ROBO2: variants seen among roughly 807,000 people sequenced by gnomAD.
The protein encoded by ROBO2 is roundabout homolog 2.
ROBO2 carries 53 observed loss-of-function variants against 160.8 expected under a neutral mutation model. The ratio of observed to expected loss-of-function variants is 0.33; its 90% CI spans 0.26 to 0.41. The LOEUF (loss-of-function observed/expected upper bound fraction) is 0.41, where lower values mean the gene tolerates loss of function less well. ROBO2 is among the 10% of genes least tolerant of loss of function. ROBO2 has a pLI of 1.00. For synonymous variants in ROBO2, 664 were observed against 611.7 expected (o/e 1.09, Z -1.26); for missense variants, 1,577 against 1,722.4 (o/e 0.92, Z 1.49).
intron 2 of ROBO2, among the ~76,000 whole-genome samples, chr3:76,400,021 C>G (rs1050335857): frequency 3.3e-5 from 5 of 151,598 alleles, no homozygotes; most frequent in African/African-American, 1.2e-4. Context: ...AGCAACTTCT[C>G]TATATAAAGA....
rs9822363 is a variant in ROBO2 at position 77,290,985 on chromosome 3, C to T, written c.389-186429C>T. On this transcript the variant is annotated intron_variant, in intron 2 of 25. Coordinates refer to ENST00000461745, the Ensembl canonical transcript of ROBO2. Reference sequence around the variant, plus strand: ...CACTAAAGACATAAAGTAAAATTGACGGTTAAACGGGTAAGCTGAGGCTAG... The same window carrying T: ...CACTAAAGACATAAAGTAAAATTGATGGTTAAACGGGTAAGCTGAGGCTAG... Among the ~76,000 whole-genome samples the T allele has an allele frequency of 1.9e-3, 124 of 67,010 alleles. 4 individuals are homozygous for T. The highest frequency in any genetic ancestry group is 2.4e-3 in the Admixed American group (15 of 6,212). The allele number at this position is 67,010 out of a possible 152,430, so 44.0% of individuals were successfully genotyped here.
At chr3:76,532,278 G>C (rs755686514) in intron 2 of ROBO2, among the ~76,000 whole-genome samples, 1 of 152,170 alleles carries the variant, frequency 6.6e-6, no homozygotes, top group Non-Finnish European at 1.5e-5. Flanking sequence ...AAAACTCAAA[G>C]CATAAAACTC....
chr3:77,017,523 T>C (rs772839732), intron 2 of ROBO2, among the ~76,000 whole-genome samples: 13 of 152,164 alleles, frequency 8.5e-5, no homozygotes, highest in Non-Finnish European at 1.8e-4. Flanking sequence ...GCTGCTTAAG[T>C]TGAGATAATT....
chr3:76,070,711 A>G (rs920150288), intron 2 of ROBO2, among the ~76,000 whole-genome samples: 4 of 152,030 alleles, frequency 2.6e-5, no homozygotes, highest in African/African-American at 9.7e-5. Context: ...GCTGGGCATC[A>G]TGGAACCTAC....
chr3:76,013,644 G>C (rs1016162064), intron 2 of ROBO2, among the ~76,000 whole-genome samples: 1 of 151,304 alleles, frequency 6.6e-6, no homozygotes, highest in Non-Finnish European at 1.5e-5. Context: ...TGGGCACGGC[G>C]CCTGATGTGT....
At chr3:77,616,489 A>T (rs923602984) in intron 21 of ROBO2, among the ~76,000 whole-genome samples, 11 of 152,142 alleles carry the variant, frequency 7.2e-5, no homozygotes, top group African/African-American at 2.2e-4. Context: ...GGAAGAGAAG[A>T]TGATGATACC....
At chr3:76,590,274 A>C (rs541953410) in intron 2 of ROBO2, among the ~76,000 whole-genome samples, 1 of 152,258 alleles carries the variant, frequency 6.6e-6, no homozygotes, top group Admixed American at 6.5e-5. Context: ...CTGTCTCCCA[A>C]CCATACTGAT....
intron 2 of ROBO2, among the ~76,000 whole-genome samples, chr3:76,528,039 C>T (rs962733045): frequency 1.2e-4 from 18 of 152,074 alleles, no homozygotes; most frequent in African/African-American, 4.3e-4. Context: ...CCTCATAGCT[C>T]ACCATAAGGA....
chr3:76,557,952 T>C lies in ROBO2; in HGVS notation c.110-540062T>C, dbSNP rs753394543. Reference sequence around the variant, plus strand: ...ACAATGGAGCTTCTATGTTTCAAAATAGTTATCATGCGGATAATGGGGAGG... The same window carrying C: ...ACAATGGAGCTTCTATGTTTCAAAACAGTTATCATGCGGATAATGGGGAGG... On this transcript the variant is annotated intron_variant, in intron 2 of 26. Coordinates refer to the ROBO2 transcript ENST00000487694. 3.2e-4 allele frequency among the ~76,000 whole-genome samples: 48 copies of C among 151,870 alleles called. 1 individual carries two copies. The highest frequency in any genetic ancestry group is 6.8e-4 in the Non-Finnish European group (46 of 67,848).
upstream of ROBO2, among the ~76,000 whole-genome samples, chr3:77,035,262 T>C (rs564007711): frequency 6.6e-6 from 1 of 151,934 alleles, no homozygotes; most frequent in African/African-American, 2.4e-5. Flanking sequence ...ATAAATAAAA[T>C]CTCATCCATG....
intron 2 of ROBO2, among the ~76,000 whole-genome samples, chr3:76,582,172 G>C (rs1578307506): frequency 6.6e-6 from 1 of 152,146 alleles, no homozygotes; most frequent in African/African-American, 2.4e-5. Flanking sequence ...CTTAAAGAGA[G>C]AAATTATTGG....
At chr3:77,135,429 TTC>T (rs1191452709) in intron 2 of ROBO2, among the ~76,000 whole-genome samples, 1 of 152,048 alleles carries the variant, frequency 6.6e-6, no homozygotes, top group African/African-American at 2.4e-5. Flanking sequence ...GAAACAGGGT[TTC>T]TCTCTGTCAC....
intron 2 of ROBO2, among the ~76,000 whole-genome samples, chr3:76,811,773 CCCTCCTT>C (rs1436528761): frequency 1.3e-4 from 19 of 148,146 alleles, no homozygotes; most frequent in African/African-American, 4.0e-4. Context: ...TTCTCTCTTT[CCCTCCTT>C]CCTTCCTTCC....
chr3:77,586,651 A>C (rs200488943), intron 16 of ROBO2, among the ~76,000 whole-genome samples: 1 of 152,034 alleles, frequency 6.6e-6, no homozygotes, highest in East Asian at 1.9e-4. Flanking sequence ...ACCTTAATAA[A>C]AATGAAATAT....
chr3:76,575,776 C>G (rs17800869), intron 2 of ROBO2, among the ~76,000 whole-genome samples: 8,632 of 152,016 alleles, frequency 0.057, 375 homozygotes, highest in Non-Finnish European at 0.081. Context: ...TGCAAAATGT[C>G]AATCATATAA....
At chr3:75,987,737 TTTG>T (rs2065452752) in intron 2 of ROBO2, among the ~76,000 whole-genome samples, 1 of 151,970 alleles carries the variant, frequency 6.6e-6, no homozygotes, top group Non-Finnish European at 1.5e-5. Context: ...CAGTTCCTAG[TTTG>T]TTGAGTGTTT....
intron 1 of ROBO2, among the ~76,000 whole-genome samples, chr3:75,926,708 A>G (rs1282396972): frequency 6.6e-6 from 1 of 152,216 alleles, no homozygotes; most frequent in Non-Finnish European, 1.5e-5. Context: ...TTGGCATCAA[A>G]TTGAATTCAG....
At chr3:75,967,161 T>G (rs953767899) in intron 2 of ROBO2, among the ~76,000 whole-genome samples, 9 of 151,658 alleles carry the variant, frequency 5.9e-5, no homozygotes, top group African/African-American at 2.2e-4. Flanking sequence ...TTGGAACTAT[T>G]AAGCTATCTT....
chr3:77,031,468 T>C (rs2063318660), intron 2 of ROBO2, among the ~76,000 whole-genome samples: 2 of 147,114 alleles, frequency 1.4e-5, no homozygotes, highest in South Asian at 4.2e-4. Context: ...ATAAATGATA[T>C]ATGACTATTA....
Sources: gnomAD v4.1 joint callset for allele counts (sites outside exome capture counted in the v4.1 genomes callset) on GRCh38, gnomAD v4.1.1 for gene constraint, MANE v1.5 for transcripts, NCBI Gene and HGNC (gene_info 2026-07-23, HGNC 2026-07-21) for gene names.